The following CHP1 variants were observed in gnomAD, a reference collection of about 807,000 sequenced individuals.
CHP1 encodes calcineurin like EF-hand protein 1, also known as calcineurin B homologous protein 1.
A neutral mutation model predicts 27.4 loss-of-function variants in CHP1; 11 were observed. The observed-to-expected ratio is 0.40, with a 90% CI of 0.25 to 0.67. The LOEUF is 0.67. Among genes scored for constraint, CHP1 ranks in the 30% least tolerant of loss-of-function variants. The pLI is 0.38. For synonymous variants in CHP1, 89 were observed against 87.4 expected, an observed-to-expected ratio of 1.02 and a Z score of -0.10; for missense variants, 169 against 251.3, an observed-to-expected ratio of 0.67 and a Z score of 2.22.
chr15:41,246,663 C>T (rs1182929941), intron 2 of CHP1, among the ~76,000 whole-genome samples: 11 of 124,770 alleles, frequency 8.8e-5, no homozygotes, highest in Middle Eastern at 4.9e-3. Flanking sequence ...GAGAGAGTCT[C>T]GCTCTGTAGC....
chr15:41,262,919 C>G, intron 4 of CHP1, 36 bp downstream of exon 4: 1 of 1,606,608 alleles, frequency 6.2e-7, no homozygotes, highest in Non-Finnish European at 8.5e-7. Flanking sequence ...AAAATACTTG[C>G]TTTTCATTTC....
intron 3 of CHP1, among the ~76,000 whole-genome samples, chr15:41,260,769 A>C (rs1012113050): frequency 4.6e-5 from 7 of 152,026 alleles, no homozygotes; most frequent in African/African-American, 1.7e-4. Flanking sequence ...AGAATTATGC[A>C]TATGTTTTAA....
rs1030136136 is a variant in CHP1 at position 41,236,505 on chromosome 15, G to A, written c.67+5056G>A. Among the ~76,000 whole-genome samples, 7 of 151,972 alleles carry A rather than the reference G, an allele frequency of 4.6e-5. No homozygotes were observed. The East Asian group carries it at 5.8e-4, about 13-fold the overall frequency. On this transcript the variant is annotated intron_variant, in intron 1 of 6. Coordinates refer to ENST00000334660, the MANE Select transcript of CHP1 (RefSeq NM_007236.5). ...TTGAACTCCTGAGTTCAGGTGGTCC[G>A]CTCATCCCAGTCCCCCAAAGTGCTG...
At chr15:41,262,719 T>C in intron 3 of CHP1, 37 bp from the exon 4 acceptor site, 2 of 1,607,028 alleles carry the variant, frequency 1.2e-6, no homozygotes, top group South Asian at 2.2e-5. Context: ...ATCACCGTGA[T>C]TGACATGGTG....
intron 1 of CHP1, among the ~76,000 whole-genome samples, chr15:41,242,907 C>T (rs957691330): frequency 2.0e-5 from 3 of 151,824 alleles, no homozygotes; most frequent in African/African-American, 7.3e-5. Flanking sequence ...TGTGCCATTG[C>T]ACTCCAGCCT....
At chr15:41,242,826 C>A (rs1019112271) in intron 1 of CHP1, among the ~76,000 whole-genome samples, 40 of 151,626 alleles carry the variant, frequency 2.6e-4, no homozygotes, top group Admixed American at 2.0e-3. Flanking sequence ...GCCTGTAATC[C>A]CAGCTACTTG....
intron 5 of CHP1, among the ~76,000 whole-genome samples, chr15:41,277,955 CA>C (rs1036088693): frequency 2.8e-5 from 4 of 143,536 alleles, no homozygotes; most frequent in South Asian, 2.2e-4. Context: ...GACCCTGTCT[CA>C]AAAAAAAAAC....
At chr15:41,268,497 T>C (rs1765285106) in intron 4 of CHP1, among the ~76,000 whole-genome samples, 1 of 150,418 alleles carries the variant, frequency 6.6e-6, no homozygotes, top group Admixed American at 6.6e-5. Context: ...ATACAAAAAT[T>C]AGCTGGGCGT....
intron 1 of CHP1, 91 bp downstream of exon 1, chr15:41,231,540 CTG>C: frequency 7.7e-7 from 1 of 1,296,656 alleles, no homozygotes. Context: ...GCTCGGGTGC[CTG>C]TGAGGTTGGG....
At chr15:41,276,195 C>T (rs927222338) in intron 5 of CHP1, among the ~76,000 whole-genome samples, 9 of 149,974 alleles carry the variant, frequency 6.0e-5, no homozygotes. Flanking sequence ...AAGCCAAGAT[C>T]GTGCCATTGC....
chr15:41,251,863 G>A (rs1244488650), intron 2 of CHP1, among the ~76,000 whole-genome samples: 3 of 149,452 alleles, frequency 2.0e-5, no homozygotes, highest in East Asian at 2.0e-4. Context: ...GGCTGGTCTC[G>A]GACTCCTGGG....
At chr15:41,276,667 G>A (rs1382631974) in intron 5 of CHP1, among the ~76,000 whole-genome samples, 1 of 152,134 alleles carries the variant, frequency 6.6e-6, no homozygotes, top group African/African-American at 2.4e-5. Flanking sequence ...CTCAGAAGGG[G>A]ATTTAGCATT....
chr15:41,269,509 G>A (rs2047478268), intron 4 of CHP1, among the ~76,000 whole-genome samples: 1 of 152,094 alleles, frequency 6.6e-6, no homozygotes, highest in African/African-American at 2.4e-5. Context: ...TCAAGGCCTT[G>A]TTCAAATGTT....
intron 2 of CHP1, among the ~76,000 whole-genome samples, chr15:41,245,772 G>A (rs774980491): frequency 1.3e-5 from 2 of 152,106 alleles, no homozygotes; most frequent in African/African-American, 2.4e-5. Context: ...CACTCTCTTT[G>A]TAGTGTTCTT....
chr15:41,241,911 A>G (rs959318480), intron 1 of CHP1, among the ~76,000 whole-genome samples: 3 of 152,186 alleles, frequency 2.0e-5, no homozygotes. Flanking sequence ...GCCTCGGACA[A>G]AGTCCACACT....
chr15:41,274,788 T>C (rs1051463663), intron 5 of CHP1, among the ~76,000 whole-genome samples: 2 of 129,444 alleles, frequency 1.5e-5, no homozygotes, highest in African/African-American at 3.1e-5. Flanking sequence ...AGCATTGTCT[T>C]TGTTTTTTTT....
At chr15:41,278,652 CTG>C in intron 5 of CHP1, 113 bp from the exon 6 acceptor site, 1 of 1,253,674 alleles carries the variant, frequency 8.0e-7, no homozygotes, top group South Asian at 1.4e-5. Flanking sequence ...CAGTGCATGA[CTG>C]TATTTGAGGG....
chr15:41,266,829 A>G (rs541802323), intron 4 of CHP1, among the ~76,000 whole-genome samples: 1 of 152,024 alleles, frequency 6.6e-6, no homozygotes, highest in Non-Finnish European at 1.5e-5. Flanking sequence ...GTGAAATCCC[A>G]TCTCTACTAA....
chr15:41,249,848 T>TA (rs1438960092), intron 2 of CHP1, among the ~76,000 whole-genome samples: 3 of 151,260 alleles, frequency 2.0e-5, no homozygotes, highest in African/African-American at 7.3e-5. Context: ...TTTTTTTTTT[T>TA]ACTTTCCTCT....
Sources: gnomAD v4.1 joint callset for allele counts (sites outside exome capture counted in the v4.1 genomes callset) on GRCh38, gnomAD v4.1.1 for gene constraint, MANE v1.5 for transcripts, NCBI Gene and HGNC (gene_info 2026-07-23, HGNC 2026-07-21) for gene names.